TOM1: variants seen among roughly 807,000 people sequenced by gnomAD.
The protein encoded by TOM1 is target of myb1 membrane trafficking protein.
TOM1 carries 38 observed loss-of-function variants against 61.3 expected under a neutral mutation model. The ratio of observed to expected loss-of-function variants is 0.62; its 90% CI spans 0.48 to 0.81. The LOEUF is 0.81. Ranked by LOEUF, TOM1 falls within the 40% of genes least tolerant of loss-of-function variation. The pLI, the probability that TOM1 is intolerant of heterozygous loss-of-function variation, is 0.00. For synonymous variants in TOM1, 270 were observed against 268.8 expected (o/e 1.00, Z -0.04); for missense variants, 591 against 659.6 (o/e 0.90, Z 1.14).
chr22:35,338,809 G>A, intron 12 of TOM1, 21 bp downstream of exon 12: 1 of 1,555,546 alleles, frequency 6.4e-7, no homozygotes, highest in Non-Finnish European at 8.7e-7. Context: ...GGGCCATCCT[G>A]CCACCCTGGG....
At chr22:35,342,924 G>A (rs1292651616) in intron 12 of TOM1, among the ~76,000 whole-genome samples, 52 of 56,408 alleles carry the variant, frequency 9.2e-4, no homozygotes, top group Non-Finnish European at 1.1e-3. Context: ...ACCTCCACAC[G>A]TCATACCTCC....
At chr22:35,318,046 GC>G in intron 2 of TOM1, 85 bp downstream of exon 2, 1 of 1,232,100 alleles carries the variant, frequency 8.1e-7, no homozygotes, top group Non-Finnish European at 1.2e-6. Context: ...GGGAGCCCCT[GC>G]CCCAGCCCCA....
At chr22:35,341,382 G>A (rs905456607) in intron 12 of TOM1, among the ~76,000 whole-genome samples, 1 of 152,198 alleles carries the variant, frequency 6.6e-6, no homozygotes, top group African/African-American at 2.4e-5. Flanking sequence ...CCTGCCTAGG[G>A]TCTCGTAGGT....
chr22:35,346,047 G>A (rs1444903675), intron 13 of TOM1, among the ~76,000 whole-genome samples: 1 of 152,218 alleles, frequency 6.6e-6, no homozygotes, highest in African/African-American at 2.4e-5. Context: ...CCACCTTAGG[G>A]ACATCAGGCC....
chr22:35,328,043 G>A (rs1212814176), intron 7 of TOM1, among the ~76,000 whole-genome samples: 1 of 152,220 alleles, frequency 6.6e-6, no homozygotes, highest in Non-Finnish European at 1.5e-5. Flanking sequence ...GAATCCATGA[G>A]GAGACAGAGC....
chr22:35,323,000 T>G, intron 3 of TOM1, 28 bp from the exon 4 acceptor site: 2 of 1,612,328 alleles, frequency 1.2e-6, no homozygotes, highest in Non-Finnish European at 8.5e-7. Context: ...CTGACCAAGG[T>G]GCTCGACGGC....
At chr22:35,336,573 C>G (rs755911133) in intron 11 of TOM1, 1 of 152,374 alleles carries the variant, frequency 6.6e-6, no homozygotes, top group Non-Finnish European at 1.5e-5. Context: ...AGAGACGCCT[C>G]GGCTAGGCCT....
Position 35,323,293 on chromosome 22 carries a change from G to A in TOM1, c.366+116G>A. 6.8e-7 allele frequency: 1 copy of A among 1,472,754 alleles called. No individual in the cohort carries two copies. The highest frequency in any genetic ancestry group is 1.2e-5 in the South Asian group (1 of 83,774). The allele number at this position is 1,472,754 out of a possible 1,614,324, so 91.2% of individuals were successfully genotyped here. On this transcript the variant is annotated intron_variant, in intron 4 of 14. Transcript: ENST00000449058. This position sits in a 1 kb window ranked among gnomAD's most constrained non-coding sequence, Gnocchi z 4.2. ...TCCCAGGCTCCGCTTCTCATTTCGG[G>A]GCGTCTCGGTTGTCGGCTGGTGGGA...
At chr22:35,302,387 G>C (rs1925903845) in intron 1 of TOM1, among the ~76,000 whole-genome samples, 2 of 134,006 alleles carry the variant, frequency 1.5e-5, no homozygotes, top group Non-Finnish European at 3.1e-5. Flanking sequence ...CCAGGCTGGG[G>C]TGCAATGGCA....
intron 12 of TOM1, 83 bp downstream of exon 12, chr22:35,338,871 C>T: frequency 1.5e-6 from 2 of 1,312,960 alleles, no homozygotes; most frequent in Non-Finnish European, 2.0e-6. Context: ...CCGTTGTGGG[C>T]CAAGCACTGG....
At chr22:35,329,245 C>T (rs1349196813) in intron 7 of TOM1, among the ~76,000 whole-genome samples, 1 of 152,204 alleles carries the variant, frequency 6.6e-6, no homozygotes, top group African/African-American at 2.4e-5. Context: ...CACGAGCCAC[C>T]GGGTGTAGCC....
intron 10 of TOM1, 86 bp from the exon 11 acceptor site, chr22:35,334,241 GC>G (rs1243539323): frequency 1.3e-6 from 2 of 1,529,794 alleles, no homozygotes; most frequent in African/African-American, 2.8e-5. Context: ...CCAGCACCAA[GC>G]CCTGGGTCTG....
chr22:35,337,980 TCTCA>T (rs1164888199), intron 11 of TOM1, among the ~76,000 whole-genome samples: 2 of 152,306 alleles, frequency 1.3e-5, no homozygotes, highest in Admixed American at 6.5e-5. Context: ...CAGCTTCTCC[TCTCA>T]CTCAGGTTAT....
At chr22:35,315,517 AAGCCACACTC>A (rs1478114351) in intron 1 of TOM1, among the ~76,000 whole-genome samples, 1 of 152,152 alleles carries the variant, frequency 6.6e-6, no homozygotes, top group Non-Finnish European at 1.5e-5. Flanking sequence ...TGGTACAAAG[AAGCCACACTC>A]AGTAAACCTT....
chr22:35,327,158 A>G (rs1601693809), intron 6 of TOM1, 113 bp from the exon 7 acceptor site: 1 of 965,516 alleles, frequency 1.0e-6, no homozygotes, highest in South Asian at 1.4e-5. Context: ...GGCTGCTGGG[A>G]GGTCGGCTCC....
chr22:35,299,493 G>C (rs1046335562), upstream of TOM1: 1 of 164,782 alleles, frequency 6.1e-6, no homozygotes, highest in Non-Finnish European at 1.3e-5. Flanking sequence ...CTGTCACCCA[G>C]GGTAGGTGTG....
chr22:35,323,999 C>T lies in TOM1; in HGVS notation c.648+85C>T. The T allele has an allele frequency of 6.8e-7, 1 of 1,464,080 alleles. No homozygotes were observed. The highest frequency in any genetic ancestry group is 2.4e-5 in the Admixed American group (1 of 41,540). The allele number at this position is 1,464,080 out of a possible 1,614,324, so 90.7% of individuals were successfully genotyped here. ...AGGGCCCCCTGTCAGAATTTACCAT[C>T]CACGGAGCCTCCACTTCTTCCTCAC... is the stretch of plus-strand genomic sequence containing the variant. On this transcript the variant is annotated intron_variant, in intron 6 of 14. Transcript: ENST00000449058. The surrounding 1 kb of genome is among the most constrained non-coding windows in gnomAD (Gnocchi z 4.2).
intron 1 of TOM1, among the ~76,000 whole-genome samples, chr22:35,307,911 AT>A (rs1167176456): frequency 3.3e-5 from 5 of 152,234 alleles, no homozygotes; most frequent in Non-Finnish European, 7.3e-5. Context: ...GTCAAACATT[AT>A]TTTAGATGTT....
intron 12 of TOM1, among the ~76,000 whole-genome samples, chr22:35,343,678 A>C (rs1930204855): frequency 7.3e-6 from 1 of 136,338 alleles, no homozygotes. Flanking sequence ...ACCCTTACAC[A>C]CACCACACCT....
Sources: gnomAD v4.1 joint callset for allele counts (sites outside exome capture counted in the v4.1 genomes callset) on GRCh38, gnomAD v4.1.1 for gene constraint, Gnocchi (gnomAD v3.1) non-coding constraint, MANE v1.5 for transcripts, NCBI Gene and HGNC (gene_info 2026-07-23, HGNC 2026-07-21) for gene names.